The following GULP1 variants were observed in gnomAD, a reference collection of about 807,000 sequenced individuals.
GULP1 encodes the protein GULP PTB domain containing engulfment adaptor 1.
GULP1 carries 19 observed loss-of-function variants against 40.9 expected under a neutral mutation model. The observed-to-expected ratio is 0.46, with a 90% CI of 0.32 to 0.68. The LOEUF (loss-of-function observed/expected upper bound fraction) is 0.68, where lower values mean the gene tolerates loss of function less well. Ranked by LOEUF, GULP1 falls within the 30% of genes least tolerant of loss-of-function variation. The probability of loss-of-function intolerance (pLI) is 0.03; values close to 1 mark genes in which losing one functional copy is unlikely to be tolerated. For missense variants in GULP1, 312 were observed against 362.2 expected (o/e 0.86, Z 1.12); for synonymous variants, 119 against 117.6 (o/e 1.01, Z -0.08).
chr2:188,301,106 C>T (rs1439352319), intron 1 of GULP1, among the ~76,000 whole-genome samples: 1 of 152,168 alleles, frequency 6.6e-6, no homozygotes, highest in Non-Finnish European at 1.5e-5. Flanking sequence ...CCTCAAACTC[C>T]TGGACTCAAG....
intron 1 of GULP1, among the ~76,000 whole-genome samples, chr2:188,300,564 G>A (rs2035958656): frequency 6.6e-6 from 1 of 151,984 alleles, no homozygotes; most frequent in Non-Finnish European, 1.5e-5. Context: ...TTATGAAGGG[G>A]ACCTATAATT....
Position 188,368,939 on chromosome 2 carries a change from G to GTATATATATATATA in GULP1, c.-171-14798_-171-14785dup, listed in dbSNP as rs56274020. Among the ~76,000 whole-genome samples, 595 of 85,924 alleles carry GTATATATATATATA rather than the reference G, an allele frequency of 6.9e-3. 4 individuals are homozygous for GTATATATATATATA. Among genetic ancestry groups the GTATATATATATATA allele is most frequent in the Non-Finnish European group, 7.7e-3 (336 of 43,870 alleles). The allele number at this position is 85,924 out of a possible 152,430, so 56.4% of individuals were successfully genotyped here. On this transcript the variant is annotated intron_variant, in intron 1 of 11. Transcript: ENST00000409830. Reference sequence around the variant, plus strand: ...TATATATATGTATATATATATGTGTGTATATATATATATATATATATATAT... The same window carrying GTATATATATATATA: ...TATATATATGTATATATATATGTGTGTATATATATATATATATATATATATATATATATATATAT...
intron 4 of GULP1, among the ~76,000 whole-genome samples, chr2:188,516,775 C>T (rs113065200): frequency 7.0e-4 from 106 of 152,230 alleles, no homozygotes; most frequent in African/African-American, 2.5e-3. Flanking sequence ...GACCAAATTT[C>T]GAAAAACACT....
At chr2:188,583,461 T>C (rs1055282586) in intron 9 of GULP1, among the ~76,000 whole-genome samples, 6 of 152,188 alleles carry the variant, frequency 3.9e-5, no homozygotes, top group Non-Finnish European at 7.4e-5. Flanking sequence ...TCAAATCAGA[T>C]GGTTTTCAAA....
chr2:188,510,016 T>C (rs530970096), intron 4 of GULP1, among the ~76,000 whole-genome samples: 87 of 152,208 alleles, frequency 5.7e-4, no homozygotes, highest in Admixed American at 5.2e-4. Flanking sequence ...GATAATCCAG[T>C]GTCTCAGAGA....
intron 6 of GULP1, among the ~76,000 whole-genome samples, chr2:188,533,873 A>C (rs1016320049): frequency 6.6e-6 from 1 of 152,194 alleles, no homozygotes; most frequent in Non-Finnish European, 1.5e-5. Context: ...GCTATCAAAC[A>C]TGAAAAAAAT....
intron 2 of GULP1, among the ~76,000 whole-genome samples, chr2:188,384,979 G>A (rs990039354): frequency 6.6e-6 from 1 of 152,174 alleles, no homozygotes; most frequent in Non-Finnish European, 1.5e-5. Context: ...GAGTGTCTGA[G>A]TCTTTTCCAG....
intron 9 of GULP1, among the ~76,000 whole-genome samples, chr2:188,578,826 A>C (rs2153451155): frequency 6.6e-6 from 1 of 152,250 alleles, no homozygotes; most frequent in African/African-American, 2.4e-5. Flanking sequence ...ACACTGACAG[A>C]AAGACCAAAA....
At chr2:188,333,592 T>A (rs2041903771) in intron 1 of GULP1, among the ~76,000 whole-genome samples, 2 of 152,214 alleles carry the variant, frequency 1.3e-5, no homozygotes, top group Non-Finnish European at 2.9e-5. Flanking sequence ...AAATAAAGGA[T>A]AACTTTAACT....
At chr2:188,476,141 G>A (rs2060990283) in intron 2 of GULP1, among the ~76,000 whole-genome samples, 2 of 152,080 alleles carry the variant, frequency 1.3e-5, no homozygotes, top group South Asian at 4.1e-4. Context: ...TGAAAGATGT[G>A]GTTACAGAAT....
intron 7 of GULP1, among the ~76,000 whole-genome samples, chr2:188,544,315 A>T (rs938886157): frequency 1.3e-5 from 2 of 152,100 alleles, no homozygotes; most frequent in African/African-American, 4.8e-5. Flanking sequence ...GCCATCATAT[A>T]ACACAATAAA....
In GULP1 at chr2:188,397,192, C is replaced by T. The variant is rs559523565; in HGVS notation, c.-45+13303C>T. ...ATTATCTACGTACTCTTTTGTCTTTCCAAGTGAGTGAGGCATGATAACAGT... is the reference window on the plus strand; with the variant it reads ...ATTATCTACGTACTCTTTTGTCTTTTCAAGTGAGTGAGGCATGATAACAGT... On this transcript the variant is annotated intron_variant, in intron 2 of 11. Transcript: ENST00000409830. Among the ~76,000 whole-genome samples the T allele has an allele frequency of 6.6e-5, 10 of 152,278 alleles. No individual in the cohort carries two copies. In the South Asian group the frequency reaches 2.1e-3, roughly 32 times the overall value.
intron 1 of GULP1, among the ~76,000 whole-genome samples, chr2:188,321,488 G>A (rs74739385): frequency 0.019 from 2,877 of 152,114 alleles, 94 homozygotes; most frequent in African/African-American, 0.066. Context: ...AAAAGATAAC[G>A]TTCTGATGAA....
At chr2:188,567,022 T>A (rs1697876961) in intron 7 of GULP1, among the ~76,000 whole-genome samples, 1 of 151,366 alleles carries the variant, frequency 6.6e-6, no homozygotes, top group Non-Finnish European at 1.5e-5. Context: ...AAGAAGCATA[T>A]GAAAAAAAAA....
intron 2 of GULP1, among the ~76,000 whole-genome samples, chr2:188,446,925 C>T (rs1034133192): frequency 2.0e-5 from 3 of 151,934 alleles, no homozygotes; most frequent in African/African-American, 7.3e-5. Flanking sequence ...TTATTCTGAG[C>T]CAAATATGAG....
chr2:188,553,987 G>T (rs1471190460), intron 7 of GULP1, among the ~76,000 whole-genome samples: 1 of 151,844 alleles, frequency 6.6e-6, no homozygotes, highest in Non-Finnish European at 1.5e-5. Context: ...GTATTTCTGT[G>T]ATCAGTTGTT....
chr2:188,584,508 A>T (rs1701970042), intron 10 of GULP1, 105 bp downstream of exon 10: 2 of 474,274 alleles, frequency 4.2e-6, no homozygotes, highest in Non-Finnish European at 7.3e-6. Flanking sequence ...CCTTACTTAC[A>T]ATTTTAATTA....
chr2:188,437,624 G>A (rs914947469), intron 2 of GULP1, among the ~76,000 whole-genome samples: 18 of 152,074 alleles, frequency 1.2e-4, no homozygotes, highest in African/African-American at 3.9e-4. Context: ...ACACGTACAT[G>A]TGAATGTTCA....
intron 7 of GULP1, among the ~76,000 whole-genome samples, chr2:188,558,264 A>G (rs1236514687): frequency 6.6e-6 from 1 of 152,148 alleles, no homozygotes; most frequent in Non-Finnish European, 1.5e-5. Context: ...CATTTGAATC[A>G]TGGGGGCAGT....
Sources: allele counts gnomAD v4.1 joint callset (sites outside exome capture counted in the v4.1 genomes callset), GRCh38; gene constraint gnomAD v4.1.1; transcripts MANE v1.5; gene names NCBI Gene and HGNC (gene_info 2026-07-23, HGNC 2026-07-21).